The following PGM5 variants were observed in gnomAD, a reference collection of about 807,000 sequenced individuals.
The protein encoded by PGM5 is phosphoglucomutase-like protein 5.
A neutral mutation model predicts 59.2 loss-of-function variants in PGM5; 23 were observed. The observed-to-expected ratio is 0.39, with a 90% CI of 0.28 to 0.55. The LOEUF is 0.55. Among genes scored for constraint, PGM5 ranks in the 20% least tolerant of loss-of-function variants. PGM5 has a pLI of 0.66. For missense variants in PGM5, 574 were observed against 748.3 expected (o/e 0.77, Z 2.72); for synonymous variants, 214 against 286.0 (o/e 0.75, Z 2.54).
In PGM5 at chr9:68,357,147, C is replaced by G; in HGVS notation, c.20C>G (p.Pro7Arg). Reference protein sequence around the residue: MEGSPIPVLTVPTAPYE... With the variant: MEGSPIRVLTVPTAPYE... The stretch of plus-strand genomic sequence containing the variant: ...GGCGCCATGGAGGGGAGCCCCATCC[C>G]GGTGCTGACAGTGCCCACCGCGCCC... Residue 7 changes from proline to arginine, a missense_variant, in exon 1 of 11, where the codon CCG (proline) becomes CGG (arginine). This residue lies in a region of PGM5 where 60 missense variants were observed against 71.0 expected (regional missense o/e 0.85). Coordinates refer to ENST00000396396, the MANE Select transcript of PGM5 (RefSeq NM_021965.4). 6 of 1,531,912 alleles carry G rather than the reference C, an allele frequency of 3.9e-6. No individual in the cohort carries two copies. The highest frequency in any genetic ancestry group is 5.2e-6 in the Non-Finnish European group (6 of 1,143,894). The allele number at this position is 1,531,912 out of a possible 1,614,324, so 94.9% of individuals were successfully genotyped here. A position where few individuals can be genotyped will look rare whatever the true frequency, so the allele number is the denominator to read the frequency against.
At chr9:68,386,200 G>A (rs1476399828) in intron 3 of PGM5, among the ~76,000 whole-genome samples, 1 of 151,790 alleles carries the variant, frequency 6.6e-6, no homozygotes, top group East Asian at 1.9e-4. Context: ...AACTTCCAAA[G>A]TACTCAGGGC....
intron 6 of PGM5, among the ~76,000 whole-genome samples, chr9:68,445,708 C>G (rs1348851021): frequency 6.6e-6 from 1 of 152,152 alleles, no homozygotes; most frequent in African/African-American, 2.4e-5. Context: ...TAAATAGAAC[C>G]TTTTCAAATT....
At chr9:68,479,998 T>C (rs1400851604) in intron 8 of PGM5, among the ~76,000 whole-genome samples, 1 of 151,976 alleles carries the variant, frequency 6.6e-6, no homozygotes, top group African/African-American at 2.4e-5. Context: ...AATCACCCCT[T>C]ATAGATAGTT....
chr9:68,392,781 C>T (rs1189045656), intron 6 of PGM5, among the ~76,000 whole-genome samples: 1 of 151,996 alleles, frequency 6.6e-6, no homozygotes, highest in African/African-American at 2.4e-5. Flanking sequence ...AAATGAGGTG[C>T]TTCATGTAGA....
chr9:68,433,713 C>T (rs78504597), intron 6 of PGM5, among the ~76,000 whole-genome samples: 2,891 of 152,246 alleles, frequency 0.019, 38 homozygotes, highest in Non-Finnish European at 0.031. Context: ...TAATCAAGTT[C>T]CAAGTCAGAT....
At chr9:68,478,736 CTCT>C (rs1824144423) in intron 7 of PGM5, among the ~76,000 whole-genome samples, 1 of 152,176 alleles carries the variant, frequency 6.6e-6, no homozygotes, top group Non-Finnish European at 1.5e-5. Flanking sequence ...GTGTCTTCTC[CTCT>C]TCTTATAAGA....
chr9:68,496,344 G>T (rs1291919720), intron 9 of PGM5, among the ~76,000 whole-genome samples: 3 of 152,170 alleles, frequency 2.0e-5, no homozygotes, highest in African/African-American at 7.2e-5. Flanking sequence ...CACATAAAAG[G>T]GGGCCTCAGC....
At chr9:68,471,094 G>A (rs1430760839) in intron 7 of PGM5, among the ~76,000 whole-genome samples, 10 of 152,162 alleles carry the variant, frequency 6.6e-5, no homozygotes, top group African/African-American at 2.4e-4. Flanking sequence ...AATCCTCCAA[G>A]CTAATGAAAA....
At chr9:68,484,106 C>G in intron 9 of PGM5, 58 bp downstream of exon 9, 1 of 1,461,972 alleles carries the variant, frequency 6.8e-7, no homozygotes, top group Non-Finnish European at 9.5e-7. Context: ...GCCAAAATGT[C>G]CTAGAACTGG....
intron 10 of PGM5, among the ~76,000 whole-genome samples, chr9:68,524,226 G>T (rs1824937346): frequency 6.6e-6 from 1 of 152,062 alleles, no homozygotes; most frequent in Non-Finnish European, 1.5e-5. Context: ...ATATCGTAGT[G>T]CAATTTTTAA....
intron 10 of PGM5, among the ~76,000 whole-genome samples, chr9:68,510,652 T>C (rs180863038): frequency 2.0e-5 from 3 of 152,310 alleles, no homozygotes; most frequent in African/African-American, 7.2e-5. Context: ...TGAGTCTCAA[T>C]CGTTTTAGAG....
At chr9:68,367,422 C>G (rs1192625439) in intron 1 of PGM5, among the ~76,000 whole-genome samples, 3 of 152,136 alleles carry the variant, frequency 2.0e-5, no homozygotes, top group Non-Finnish European at 4.4e-5. Flanking sequence ...AGGAACAGAC[C>G]AAGCAGGGGC....
chr9:68,469,861 A>T (rs868909300), intron 7 of PGM5, among the ~76,000 whole-genome samples: 5 of 152,226 alleles, frequency 3.3e-5, no homozygotes, highest in Non-Finnish European at 7.3e-5. Flanking sequence ...TCGTTTTGTT[A>T]TCTCTTCCTT....
At chr9:68,448,231 T>C (rs1823644357) in intron 6 of PGM5, among the ~76,000 whole-genome samples, 1 of 152,106 alleles carries the variant, frequency 6.6e-6, no homozygotes, top group Non-Finnish European at 1.5e-5. Flanking sequence ...ATCACAGAAA[T>C]GTGACAGTAT....
intron 1 of PGM5, 31 bp downstream of exon 1, chr9:68,357,419 C>T (rs1834477786): frequency 1.9e-6 from 3 of 1,546,976 alleles, no homozygotes; most frequent in African/African-American, 1.4e-5. Flanking sequence ...CGCTTCCCGC[C>T]GCGCCGCCGC....
chr9:68,522,687 G>A (rs762926128), intron 10 of PGM5, among the ~76,000 whole-genome samples: 3 of 152,126 alleles, frequency 2.0e-5, no homozygotes, highest in East Asian at 1.9e-4. Context: ...ATTTTAATAC[G>A]CAAAGAGACC....
chr9:68,481,700 ATTAC>A (rs1554687149), intron 8 of PGM5, among the ~76,000 whole-genome samples: 2 of 152,258 alleles, frequency 1.3e-5, no homozygotes, highest in African/African-American at 2.4e-5. Flanking sequence ...TTACATGATA[ATTAC>A]TTCTTCATAA....
intron 6 of PGM5, among the ~76,000 whole-genome samples, chr9:68,455,603 G>A (rs1191481021): frequency 1.3e-5 from 2 of 152,102 alleles, no homozygotes; most frequent in African/African-American, 4.8e-5. Flanking sequence ...ATTACAGTTG[G>A]CTTCAGGAGC....
At position 68,391,573 on chromosome 9, in the gene PGM5, T is replaced by C; in HGVS notation, c.737T>C (p.Leu246Pro). 6.2e-7 allele frequency: 1 copy of C among 1,613,402 alleles called. No individual in the cohort carries two copies. Among genetic ancestry groups the C allele is most frequent in the Non-Finnish European group, 8.5e-7 (1 of 1,179,514 alleles). Residue 246 changes from leucine to proline, a missense_variant, in exon 5 of 11, where the codon CTG becomes CCG. Physicochemically the swap from Leu to Pro is moderately conservative, Grantham distance 98. Transcript: ENST00000396396. Reference protein sequence around the residue: ...PYVRKVLCDELGAPANSAINC... With the variant: ...PYVRKVLCDEPGAPANSAINC... ...GTGAGAAAAGTTCTGTGTGATGAGC[T>C]GGGGGCCCCAGCCAATTCTGCAATA... is the stretch of plus-strand genomic sequence containing the variant.
Sources: gnomAD v4.1 joint callset for allele counts (sites outside exome capture counted in the v4.1 genomes callset) on GRCh38, gnomAD v4.1.1 for gene constraint, gnomAD v4.1.1 regional missense constraint, MANE v1.5 for transcripts, NCBI Gene and HGNC (gene_info 2026-07-23, HGNC 2026-07-21) for gene names.